Variants in RPS6KC1 observed in about 807,000 individuals in gnomAD.
RPS6KC1 encodes the protein inactive ribosomal protein S6 kinase delta-1.
In RPS6KC1, 54 loss-of-function variants were observed where a neutral mutation model predicts 103.8. That is an observed-to-expected ratio of 0.52 (90% CI 0.42 to 0.65). The LOEUF is 0.65. RPS6KC1 is among the 30% of genes least tolerant of loss of function. RPS6KC1 has a pLI of 0.00. For missense variants in RPS6KC1, 1,151 were observed against 1,253.8 expected, an observed-to-expected ratio of 0.92 and a Z score of 1.24; for synonymous variants, 439 against 438.7, an observed-to-expected ratio of 1.00 and a Z score of -0.01.
the RPS6KC1 span, chr1:213,821,643 G>A: frequency 4.6e-5 from 7 of 152,022 alleles, no homozygotes; most frequent in African/African-American, 1.7e-4. Context: ...TAATCACTCT[G>A]TCACCTTGAT....
At chr1:213,664,192 C>CGGGGGGGG in the RPS6KC1 span, among the ~76,000 whole-genome samples, 18 of 29,858 alleles carry the variant, frequency 6.0e-4, no homozygotes, top group East Asian at 3.6e-3. Flanking sequence ...AAGAAATGAG[C>CGGGGGGGG]GGGGGGGCGG....
the RPS6KC1 span, among the ~76,000 whole-genome samples, chr1:213,465,704 T>C: frequency 6.6e-6 from 1 of 152,196 alleles, no homozygotes; most frequent in African/African-American, 2.4e-5. Context: ...ATAAACTCTG[T>C]GTTAGGAAAC....
chr1:213,092,989 G>C (rs2081119477), intron 3 of RPS6KC1, among the ~76,000 whole-genome samples: 1 of 152,066 alleles, frequency 6.6e-6, no homozygotes, highest in Non-Finnish European at 1.5e-5. Context: ...TAAATTGGTT[G>C]AAGTTCTTAG....
At chr1:213,606,518 C>A in the RPS6KC1 span, among the ~76,000 whole-genome samples, 1 of 152,196 alleles carries the variant, frequency 6.6e-6, no homozygotes, top group African/African-American at 2.4e-5. Flanking sequence ...CAGCTGATTT[C>A]TATAAGGGAT....
At chr1:213,549,885 C>T in the RPS6KC1 span, among the ~76,000 whole-genome samples, 24 of 151,956 alleles carry the variant, frequency 1.6e-4, no homozygotes, top group Non-Finnish European at 3.1e-4. Context: ...CAAACCATTA[C>T]CAGTTTCACA....
intron 8 of RPS6KC1, among the ~76,000 whole-genome samples, chr1:213,177,876 T>C (rs2091978318): frequency 6.6e-6 from 1 of 152,084 alleles, no homozygotes; most frequent in South Asian, 2.1e-4. Flanking sequence ...CTTGAAGTCC[T>C]AGTAATAGCT....
chr1:213,717,483 A>G, the RPS6KC1 span, among the ~76,000 whole-genome samples: 2 of 152,260 alleles, frequency 1.3e-5, no homozygotes, highest in Non-Finnish European at 2.9e-5. Flanking sequence ...TGGAAAGTAC[A>G]TTAGTTGGCT....
intron 12 of RPS6KC1, among the ~76,000 whole-genome samples, chr1:213,244,002 A>G (rs1277189069): frequency 6.6e-6 from 1 of 152,258 alleles, no homozygotes; most frequent in Admixed American, 6.5e-5. Flanking sequence ...CCTGAAAGCA[A>G]CTATTAGGGT....
At chr1:213,760,504 T>G in the RPS6KC1 span, among the ~76,000 whole-genome samples, 2 of 152,184 alleles carry the variant, frequency 1.3e-5, no homozygotes, top group Non-Finnish European at 2.9e-5. Context: ...TCTGGTAAGA[T>G]CTCAGCTCAG....
chr1:213,540,824 T>C, the RPS6KC1 span, among the ~76,000 whole-genome samples: 1 of 152,156 alleles, frequency 6.6e-6, no homozygotes, highest in Admixed American at 6.5e-5. Flanking sequence ...ATCAACTTAT[T>C]TTATGGAATA....
At chr1:213,083,775 T>C (rs2080124824) in intron 3 of RPS6KC1, among the ~76,000 whole-genome samples, 1 of 152,160 alleles carries the variant, frequency 6.6e-6, no homozygotes. Flanking sequence ...GTTTATGTTC[T>C]TGTGAAGTCC....
At chr1:213,684,185 C>G in the RPS6KC1 span, among the ~76,000 whole-genome samples, 1 of 152,170 alleles carries the variant, frequency 6.6e-6, no homozygotes, top group East Asian at 1.9e-4. Context: ...ATTTATAAAT[C>G]TTTTTCACTT....
At chr1:213,829,357 G>C in the RPS6KC1 span, among the ~76,000 whole-genome samples, 2 of 151,084 alleles carry the variant, frequency 1.3e-5, no homozygotes, top group African/African-American at 4.9e-5. Context: ...CACAAAAGAA[G>C]GATAAGATAT....
chr1:213,534,446 C>G, the RPS6KC1 span, among the ~76,000 whole-genome samples: 1 of 152,214 alleles, frequency 6.6e-6, no homozygotes, highest in East Asian at 1.9e-4. Context: ...GAAATAGCCA[C>G]AGAGAGGTTA....
chr1:213,548,949 A>G, the RPS6KC1 span, among the ~76,000 whole-genome samples: 1 of 152,224 alleles, frequency 6.6e-6, no homozygotes, highest in Non-Finnish European at 1.5e-5. Flanking sequence ...GAGCAAATCA[A>G]TGTAATCCTG....
At chr1:213,782,240 A>C in the RPS6KC1 span, among the ~76,000 whole-genome samples, 1 of 152,220 alleles carries the variant, frequency 6.6e-6, no homozygotes, top group Non-Finnish European at 1.5e-5. Context: ...GACTAGGCAC[A>C]CTGATTATTA....
At chr1:213,642,365 A>G in the RPS6KC1 span, among the ~76,000 whole-genome samples, 1 of 152,150 alleles carries the variant, frequency 6.6e-6, no homozygotes, top group African/African-American at 2.4e-5. Flanking sequence ...ACCTGGGACC[A>G]GTTTTCTTAC....
chr1:213,846,522 T>C, the RPS6KC1 span, among the ~76,000 whole-genome samples: 1 of 152,152 alleles, frequency 6.6e-6, no homozygotes, highest in Admixed American at 6.5e-5. Context: ...CTAATTAGCT[T>C]GCTAATTACT....
In RPS6KC1 at chr1:213,230,485, T is replaced by C; in HGVS notation, c.1045-12T>C. ...TATTGTTAATAAATTATTACTCGTGTCTTTTATGTAGGTTTTACTTGTAAT... is the reference window on the plus strand; with the variant it reads ...TATTGTTAATAAATTATTACTCGTGCCTTTTATGTAGGTTTTACTTGTAAT... On this transcript the variant is annotated splice_polypyrimidine_tract_variant and intron_variant, in intron 8 of 14. Coordinates refer to ENST00000366960, the MANE Select transcript of RPS6KC1 (RefSeq NM_012424.6). 6.4e-7 allele frequency: 1 copy of C among 1,573,634 alleles called. No homozygotes were observed. Among genetic ancestry groups the C allele is most frequent in the South Asian group, 1.1e-5 (1 of 88,712 alleles).
Sources: allele counts gnomAD v4.1 joint callset (sites outside exome capture counted in the v4.1 genomes callset), GRCh38; gene constraint gnomAD v4.1.1; transcripts MANE v1.5; gene names NCBI Gene and HGNC (gene_info 2026-07-23, HGNC 2026-07-21).